The following ULK4 variants were observed in gnomAD, a reference collection of about 807,000 sequenced individuals.
ULK4 encodes inactive serine/threonine-protein kinase ULK4.
In ULK4, 133 loss-of-function variants were observed where a neutral mutation model predicts 160.6. The ratio of observed to expected loss-of-function variants is 0.83; its 90% CI spans 0.72 to 0.96. The LOEUF (loss-of-function observed/expected upper bound fraction) is 0.96, where lower values mean the gene tolerates loss of function less well. ULK4 is among the 40% of genes least tolerant of loss of function. The pLI, the probability that ULK4 is intolerant of heterozygous loss-of-function variation, is 0.00. For missense variants in ULK4, 1,580 were observed against 1,499.5 expected, an observed-to-expected ratio of 1.05 and a Z score of -0.89; for synonymous variants, 534 against 539.8, an observed-to-expected ratio of 0.99 and a Z score of 0.15.
intron 34 of ULK4, among the ~76,000 whole-genome samples, chr3:41,405,569 A>G (rs1021948980): frequency 6.6e-6 from 1 of 152,186 alleles, no homozygotes; most frequent in East Asian, 1.9e-4. Flanking sequence ...ACAATGGCTG[A>G]ACTAATTTAC....
intron 31 of ULK4, among the ~76,000 whole-genome samples, chr3:41,590,007 T>G (rs1419679586): frequency 1.3e-5 from 2 of 151,898 alleles, no homozygotes; most frequent in Admixed American, 1.3e-4. Context: ...CAAGGTTTTT[T>G]TTGTTTTTTT....
In ULK4 at chr3:41,813,950, T is replaced by C. The variant is rs115469453; in HGVS notation, c.1848+5473A>G. On this transcript the variant is annotated intron_variant, in intron 19 of 36. Coordinates refer to ENST00000301831, the MANE Select transcript of ULK4 (RefSeq NM_017886.4). ...TTACCAGGTACAGAGTTGCCCAGTG[T>C]GTCTTGGAGTGAACTATTGAGAGTG... Among the ~76,000 whole-genome samples, 1,004 of 152,348 alleles carry C rather than the reference T, an allele frequency of 6.6e-3. 9 individuals carry two copies. The highest frequency in any genetic ancestry group is 0.023 in the African/African-American group (970 of 41,578).
rs375909190 is a variant in ULK4, at chr3:41,932,006, T to C, written c.379A>G (p.Ile127Val). ...ILFCDISPRK[I>V]LLEGPGTLKF... ...AGTGTGCCAGGCCCTTCCAAGAGTA[T>C]CTATGAAGATCAAATAAATGTTTTC... The change falls in exon 5 of 37, where the codon ATA becomes GTA. Residue 127 changes from isoleucine (I) to valine (V), a missense_variant and splice_region_variant. By Grantham distance (29) the Ile-to-Val change is conservative. Transcript: ENST00000301831. The C allele has an allele frequency of 1.9e-6, 3 of 1,610,636 alleles. No individual in the cohort carries two copies. Among genetic ancestry groups the C allele is most frequent in the East Asian group, 4.5e-5 (2 of 44,850 alleles).
intron 25 of ULK4, among the ~76,000 whole-genome samples, chr3:41,710,695 G>A (rs2037063629): frequency 6.6e-6 from 1 of 151,830 alleles, no homozygotes; most frequent in African/African-American, 2.4e-5. Context: ...TTGGGAGGCT[G>A]AGGAATGAGA....
At chr3:41,440,749 A>G (rs1163612044) in intron 34 of ULK4, among the ~76,000 whole-genome samples, 1 of 152,086 alleles carries the variant, frequency 6.6e-6, no homozygotes, top group Non-Finnish European at 1.5e-5. Context: ...ATTTCACTGA[A>G]TTTACCACTG....
At chr3:41,951,202 T>A (rs1464409750) in intron 2 of ULK4, among the ~76,000 whole-genome samples, 1 of 146,638 alleles carries the variant, frequency 6.8e-6, no homozygotes, top group African/African-American at 2.5e-5. Flanking sequence ...CACGTGTTTA[T>A]GAATTAGAAG....
chr3:41,683,242 A>C (rs1466932654), intron 27 of ULK4, among the ~76,000 whole-genome samples: 1 of 152,062 alleles, frequency 6.6e-6, no homozygotes, highest in East Asian at 1.9e-4. Flanking sequence ...ACGAGACCCA[A>C]ACTATCAAAC....
At chr3:41,293,535 A>G (rs572140286) in intron 35 of ULK4, among the ~76,000 whole-genome samples, 2 of 152,334 alleles carry the variant, frequency 1.3e-5, no homozygotes, top group African/African-American at 4.8e-5. Flanking sequence ...AGGCTGTAAC[A>G]TCATAGAGGA....
rs562831081 is a variant in ULK4 at position 41,712,268 on chromosome 3, C to T, written c.2634+2969G>A. Among the ~76,000 whole-genome samples, 60 of 152,188 alleles carry T rather than the reference C, an allele frequency of 3.9e-4. 1 individual carries two copies. The Middle Eastern group carries it at 0.01, about 26-fold the overall frequency. On this transcript the variant is annotated intron_variant, in intron 25 of 36. Transcript: ENST00000301831. ...TTATAAAAATGAAGTCAATGGGAAGCACAGTTCCAATCCCCGCTTCTCCAG... is the reference window on the plus strand; with the variant it reads ...TTATAAAAATGAAGTCAATGGGAAGTACAGTTCCAATCCCCGCTTCTCCAG...
At chr3:41,535,305 T>C (rs1361589140) in intron 32 of ULK4, among the ~76,000 whole-genome samples, 1 of 152,140 alleles carries the variant, frequency 6.6e-6, no homozygotes, top group African/African-American at 2.4e-5. Context: ...AATTCCACAA[T>C]ATGAAGAAAA....
chr3:41,395,454 G>A (rs958900527), intron 35 of ULK4, among the ~76,000 whole-genome samples: 3 of 152,094 alleles, frequency 2.0e-5, no homozygotes, highest in Non-Finnish European at 4.4e-5. Context: ...AAAAACGGAG[G>A]AAATTCTAGC....
chr3:41,808,406 A>C (rs577407663), intron 19 of ULK4, among the ~76,000 whole-genome samples: 3 of 152,158 alleles, frequency 2.0e-5, no homozygotes, highest in Admixed American at 6.5e-5. Context: ...AGTGCTCTGT[A>C]AACTCAGTGA....
At chr3:41,420,872 G>C (rs1021655202) in intron 34 of ULK4, among the ~76,000 whole-genome samples, 1 of 150,918 alleles carries the variant, frequency 6.6e-6, no homozygotes, top group African/African-American at 2.4e-5. Context: ...CCAAAACTTT[G>C]GGAAGCTGAG....
intron 32 of ULK4, among the ~76,000 whole-genome samples, chr3:41,544,379 G>A (rs2086791291): frequency 6.6e-6 from 1 of 152,180 alleles, no homozygotes; most frequent in African/African-American, 2.4e-5. Flanking sequence ...CTGTTTATAT[G>A]TGTTGGAGCA....
chr3:41,585,554 A>T (rs1005874354), intron 31 of ULK4, among the ~76,000 whole-genome samples: 8 of 152,186 alleles, frequency 5.3e-5, no homozygotes, highest in Non-Finnish European at 1.2e-4. Flanking sequence ...AAGCTCTAAA[A>T]CGATAAAACT....
intron 31 of ULK4, among the ~76,000 whole-genome samples, chr3:41,593,419 C>CACAT (rs2031484285): frequency 6.6e-6 from 1 of 151,984 alleles, no homozygotes; most frequent in Non-Finnish European, 1.5e-5. Context: ...CACACACACA[C>CACAT]ATATAAACAC....
At chr3:41,309,764 GA>G (rs1338524696) in intron 35 of ULK4, among the ~76,000 whole-genome samples, 1 of 151,898 alleles carries the variant, frequency 6.6e-6, no homozygotes, top group African/African-American at 2.4e-5. Flanking sequence ...AACCCTTCAT[GA>G]AAAAAATTAC....
At chr3:41,771,761 C>T (rs1388645211) in intron 21 of ULK4, among the ~76,000 whole-genome samples, 6 of 152,070 alleles carry the variant, frequency 3.9e-5, no homozygotes, top group Admixed American at 2.6e-4. Context: ...AAAGAAAAAA[C>T]GTAAAACATT....
intron 31 of ULK4, among the ~76,000 whole-genome samples, chr3:41,599,900 A>T (rs926758792): frequency 2.6e-5 from 4 of 152,170 alleles, no homozygotes; most frequent in Non-Finnish European, 4.4e-5. Flanking sequence ...GTTACTGAAT[A>T]ATAGCTTAAT....
Sources: gnomAD v4.1 joint callset for allele counts (sites outside exome capture counted in the v4.1 genomes callset) on GRCh38, gnomAD v4.1.1 for gene constraint, MANE v1.5 for transcripts, NCBI Gene and HGNC (gene_info 2026-07-23, HGNC 2026-07-21) for gene names.